COG5: variants seen among roughly 807,000 people sequenced by gnomAD.
COG5 encodes the protein conserved oligomeric Golgi complex subunit 5.
COG5 carries 86 observed loss-of-function variants against 110.4 expected under a neutral mutation model. The observed-to-expected ratio is 0.78, with a 90% confidence interval of 0.65 to 0.93. COG5 has a LOEUF of 0.93. COG5 is among the 40% of genes least tolerant of loss of function. The pLI is 0.00. For missense variants in COG5, 1,077 were observed against 987.0 expected (o/e 1.09, Z -1.22); for synonymous variants, 360 against 334.6 (o/e 1.08, Z -0.83).
At chr7:107,321,616 T>C (rs1809291306) in intron 11 of COG5, among the ~76,000 whole-genome samples, 1 of 152,166 alleles carries the variant, frequency 6.6e-6, no homozygotes, top group African/African-American at 2.4e-5. Flanking sequence ...GAAATAGTCT[T>C]ACTTATAGAT....
intron 21 of COG5, among the ~76,000 whole-genome samples, chr7:107,204,438 TA>T (rs141381279): frequency 0.033 from 5,098 of 152,246 alleles, 286 homozygotes; most frequent in African/African-American, 0.11. Flanking sequence ...TAAGTGGAGC[TA>T]AAAAGAATGG....
At chr7:107,402,527 C>A (rs949263031) in intron 7 of COG5, among the ~76,000 whole-genome samples, 2 of 152,198 alleles carry the variant, frequency 1.3e-5, no homozygotes, top group East Asian at 3.8e-4. Flanking sequence ...GACGCAGGAA[C>A]TGATCCAGAT....
chr7:107,234,766 G>A (rs1177586539), intron 18 of COG5, among the ~76,000 whole-genome samples: 2 of 151,998 alleles, frequency 1.3e-5, no homozygotes, highest in African/African-American at 4.8e-5. Flanking sequence ...GACCATCTGA[G>A]TATAGTTCAC....
chr7:107,242,703 C>T (rs1461001850), intron 17 of COG5, among the ~76,000 whole-genome samples: 2 of 152,208 alleles, frequency 1.3e-5, no homozygotes, highest in Non-Finnish European at 2.9e-5. Flanking sequence ...CCACAGGTCC[C>T]CCTGCCTCTT....
At chr7:107,375,785 A>C (rs531384631) in intron 7 of COG5, among the ~76,000 whole-genome samples, 1 of 152,054 alleles carries the variant, frequency 6.6e-6, no homozygotes, top group South Asian at 2.1e-4. Flanking sequence ...ACTCTTAATC[A>C]AGTATTTTAA....
intron 19 of COG5, among the ~76,000 whole-genome samples, chr7:107,215,124 G>T (rs1164066560): frequency 6.6e-6 from 1 of 151,946 alleles, no homozygotes; most frequent in East Asian, 1.9e-4. Context: ...AAGCCTCATG[G>T]TAAGTACAAA....
At chr7:107,229,866 T>A (rs563306954) in intron 19 of COG5, among the ~76,000 whole-genome samples, 39 of 150,392 alleles carry the variant, frequency 2.6e-4, no homozygotes, top group African/African-American at 9.3e-4. Context: ...TTGTTTTTTT[T>A]TTTGAGACAG....
At chr7:107,366,426 TGAAAA>T (rs1445740821) in intron 8 of COG5, among the ~76,000 whole-genome samples, 7 of 152,176 alleles carry the variant, frequency 4.6e-5, no homozygotes, top group African/African-American at 1.2e-4. Context: ...ATAAAGTTCT[TGAAAA>T]GAACAAATGG....
At chr7:107,363,697 A>G (rs1028124614) in intron 8 of COG5, among the ~76,000 whole-genome samples, 1 of 152,104 alleles carries the variant, frequency 6.6e-6, no homozygotes, top group Non-Finnish European at 1.5e-5. Context: ...TGGCTCATGC[A>G]TGTAATCCCA....
At position 107,204,592 on chromosome 7, in the gene COG5, C is replaced by T. The variant is rs148269458; in HGVS notation, c.2376-962G>A. Among the ~76,000 whole-genome samples, 156 of 152,284 alleles carry T rather than the reference C, an allele frequency of 1.0e-3. 3 individuals are homozygous for T. The highest frequency in any genetic ancestry group is 2.1e-4 in the Non-Finnish European group (14 of 68,024). ...TTAATACCATTACTCAGCTCACATA[C>T]GATAGCACTTAAGTGGTTTTCTTTT... is the stretch of plus-strand genomic sequence containing the variant. On this transcript the variant is annotated intron_variant, in intron 21 of 21. Transcript: ENST00000297135.
chr7:107,561,877 G>A (rs1803802703), intron 1 of COG5, among the ~76,000 whole-genome samples: 1 of 152,142 alleles, frequency 6.6e-6, no homozygotes, highest in South Asian at 2.1e-4. Context: ...TCAGGAGGCT[G>A]AGCCAGGAGA....
At chr7:107,436,920 C>T (rs1584821577) in intron 6 of COG5, among the ~76,000 whole-genome samples, 3 of 152,176 alleles carry the variant, frequency 2.0e-5, no homozygotes, top group East Asian at 1.9e-4. Context: ...AACCCTGATT[C>T]GTCTTTTCAA....
intron 6 of COG5, among the ~76,000 whole-genome samples, chr7:107,434,459 G>C (rs1240894042): frequency 6.6e-6 from 1 of 152,156 alleles, no homozygotes; most frequent in Admixed American, 6.5e-5. Flanking sequence ...TAAAGAAAAT[G>C]TGGTATATAC....
At chr7:107,423,660 CA>C (rs933313668) in intron 6 of COG5, among the ~76,000 whole-genome samples, 359 of 126,372 alleles carry the variant, frequency 2.8e-3, no homozygotes, top group African/African-American at 7.0e-3. Context: ...AAAGACATTA[CA>C]AAAAAAAAAA....
At chr7:107,480,266 G>T (rs1797257914) in intron 6 of COG5, among the ~76,000 whole-genome samples, 1 of 151,920 alleles carries the variant, frequency 6.6e-6, no homozygotes. Context: ...AGAAGCAATG[G>T]GAAAACCATA....
chr7:107,472,108 A>G (rs1257581115), intron 6 of COG5: 1 of 152,086 alleles, frequency 6.6e-6, no homozygotes, highest in African/African-American at 2.4e-5. Flanking sequence ...AAAGGGAAAC[A>G]TAATTCCTAT....
In COG5 at chr7:107,516,519, A is replaced by G. The variant is rs1010304658; in HGVS notation, c.538+10718T>C. Among the ~76,000 whole-genome samples the G allele has an allele frequency of 5.3e-5, 8 of 152,246 alleles. No homozygotes were observed. In the South Asian group the frequency reaches 1.7e-3, roughly 31 times the overall value. ...GTGAATTGTGCTTTGGGTAATATCT[A>G]AGAATCACTGTCTAATTCAAAGTCA... On this transcript the variant is annotated intron_variant, in intron 6 of 21. Coordinates refer to ENST00000297135, the MANE Select transcript of COG5 (RefSeq NM_006348.5).
At chr7:107,482,141 CT>C (rs11345354) in intron 6 of COG5, among the ~76,000 whole-genome samples, 57,981 of 146,004 alleles carry the variant, frequency 0.4, 11,996 homozygotes, top group Non-Finnish European at 0.47. Context: ...AAAAAAAAAT[CT>C]TTTTTTTTTT....
intron 1 of COG5, chr7:107,563,500 T>C: frequency 2.3e-6 from 1 of 439,822 alleles, no homozygotes; most frequent in Non-Finnish European, 4.1e-6. Context: ...GCCAACGCGG[T>C]CCACAGGGTT....
Sources: allele counts gnomAD v4.1 joint callset (sites outside exome capture counted in the v4.1 genomes callset), GRCh38; gene constraint gnomAD v4.1.1; transcripts MANE v1.5; gene names NCBI Gene and HGNC (gene_info 2026-07-23, HGNC 2026-07-21).